The following ST6GAL1 variants were observed in gnomAD, a reference collection of about 807,000 sequenced individuals.
The protein encoded by ST6GAL1 is ST6 beta-galactoside alpha-2,6-sialyltransferase 1.
Under a neutral mutation model 38.0 loss-of-function variants are expected in ST6GAL1, and 20 were observed. That is an observed-to-expected ratio of 0.53 (90% CI 0.37 to 0.77). The LOEUF is 0.77. Among genes scored for constraint, ST6GAL1 ranks in the 30% least tolerant of loss-of-function variants. The probability of loss-of-function intolerance (pLI) is 0.00; values close to 1 mark genes in which losing one functional copy is unlikely to be tolerated. For synonymous variants in ST6GAL1, 196 were observed against 188.2 expected (o/e 1.04, Z -0.34); for missense variants, 432 against 496.4 (o/e 0.87, Z 1.23).
At position 186,939,168 on chromosome 3, in the gene ST6GAL1, A is replaced by G. The variant is rs1288491755; in HGVS notation, c.-325+8334A>G. ...GACTTGCTGCAGTCTCTGACCTCCC[A>G]GGCACAAGCGATCCTCCTGCCTCAG... On this transcript the variant is annotated intron_variant, in intron 1 of 7. Transcript: ENST00000169298. Among the ~76,000 whole-genome samples the G allele has an allele frequency of 4.7e-5, 7 of 149,802 alleles. No individual in the cohort carries two copies. The South Asian group carries it at 1.5e-3, about 32-fold the overall frequency.
At chr3:186,945,305 C>G (rs1714317376) in intron 1 of ST6GAL1, among the ~76,000 whole-genome samples, 1 of 143,686 alleles carries the variant, frequency 7.0e-6, no homozygotes, top group East Asian at 2.0e-4. Context: ...GACCCTGTCT[C>G]TATTTAAAAA....
Position 187,005,297 on chromosome 3 carries a change from C to T in ST6GAL1, c.-182-33445C>T, listed in dbSNP as rs572184943. On this transcript the variant is annotated intron_variant, in intron 2 of 7. Transcript: ENST00000169298. ...TTTTTTTTTTTTTTTTTTTTTGAGA[C>T]GGAGTCTTCGCTGTTTCGCCCAGGC... is the stretch of plus-strand genomic sequence containing the variant. 7.1e-5 allele frequency among the ~76,000 whole-genome samples: 8 copies of T among 112,200 alleles called. No individual in the cohort carries two copies. In the East Asian group the frequency reaches 1.4e-3, roughly 20 times the overall value. 73.6% of individuals were successfully genotyped at this position (112,200 alleles called of 152,430 possible). A position where few individuals can be genotyped will look rare whatever the true frequency, so the allele number is the denominator to read the frequency against.
At chr3:187,012,534 A>G (rs1579320845) in intron 2 of ST6GAL1, among the ~76,000 whole-genome samples, 1 of 152,200 alleles carries the variant, frequency 6.6e-6, no homozygotes, top group African/African-American at 2.4e-5. Flanking sequence ...GATTACAGGC[A>G]AGAGCCACCT....
At chr3:187,037,082 C>T (rs1717957033) in intron 2 of ST6GAL1, among the ~76,000 whole-genome samples, 2 of 152,094 alleles carry the variant, frequency 1.3e-5, no homozygotes, top group Admixed American at 1.3e-4. Context: ...TTTATTCACT[C>T]TTATTTCCTA....
At chr3:187,049,213 C>T (rs987639322) in intron 4 of ST6GAL1, among the ~76,000 whole-genome samples, 3 of 152,106 alleles carry the variant, frequency 2.0e-5, no homozygotes, top group East Asian at 1.9e-4. Context: ...TTTTGAACTG[C>T]GTTAATTGGC....
At chr3:186,997,717 A>G (rs557364417) in intron 2 of ST6GAL1, among the ~76,000 whole-genome samples, 58 of 151,706 alleles carry the variant, frequency 3.8e-4, no homozygotes, top group Non-Finnish European at 6.3e-4. Context: ...CAACGGAATC[A>G]TTGCGCTCCA....
chr3:187,036,975 T>C (rs947029034), intron 2 of ST6GAL1, among the ~76,000 whole-genome samples: 1 of 152,264 alleles, frequency 6.6e-6, no homozygotes, highest in African/African-American at 2.4e-5. Flanking sequence ...TCATTAATCC[T>C]CTTTCATTTG....
intron 1 of ST6GAL1, among the ~76,000 whole-genome samples, chr3:186,942,125 CTA>C (rs1039216457): frequency 4.6e-5 from 7 of 152,062 alleles, no homozygotes; most frequent in Non-Finnish European, 1.5e-5. Flanking sequence ...GAGTCTGTGA[CTA>C]TGGGGCAAGA....
chr3:186,982,364 T>C (rs544959704), intron 2 of ST6GAL1, among the ~76,000 whole-genome samples: 1 of 152,346 alleles, frequency 6.6e-6, no homozygotes, highest in South Asian at 2.1e-4. Context: ...CATTTCTTAG[T>C]AAGATAGATT....
chr3:187,040,972 A>G (rs189792624), intron 3 of ST6GAL1, among the ~76,000 whole-genome samples: 75 of 152,290 alleles, frequency 4.9e-4, no homozygotes, highest in African/African-American at 1.7e-3. Context: ...ATTCCCAGGG[A>G]AGAGCCTGGA....
In ST6GAL1 at chr3:187,011,241, C is replaced by T. The variant is rs944157230; in HGVS notation, c.-182-27501C>T. On this transcript the variant is annotated intron_variant, in intron 2 of 7. Transcript: ENST00000169298. ...CTCGAACTACTGACCTCAAGTGATC[C>T]GCCCACTTCGGCCTCCCAAAGTGCT... is the stretch of plus-strand genomic sequence containing the variant. Among the ~76,000 whole-genome samples, 42 of 152,304 alleles carry T rather than the reference C, an allele frequency of 2.8e-4. 1 individual carries two copies. Among genetic ancestry groups the T allele is most frequent in the South Asian group, 6.2e-4 (3 of 4,826 alleles).
At chr3:187,047,097 C>G (rs926287057) in intron 4 of ST6GAL1, among the ~76,000 whole-genome samples, 3 of 152,122 alleles carry the variant, frequency 2.0e-5, no homozygotes, top group Middle Eastern at 3.2e-3. Flanking sequence ...AGGTGCCTGC[C>G]ACCACGCCTG....
At chr3:187,053,788 T>C (rs1051663532) in intron 5 of ST6GAL1, among the ~76,000 whole-genome samples, 1 of 152,236 alleles carries the variant, frequency 6.6e-6, no homozygotes, top group African/African-American at 2.4e-5. Flanking sequence ...GCAGGCTCTT[T>C]TTTGGTTGCA....
chr3:186,958,248 A>G (rs937534427), intron 1 of ST6GAL1, among the ~76,000 whole-genome samples: 4 of 152,198 alleles, frequency 2.6e-5, no homozygotes, highest in Non-Finnish European at 5.9e-5. Context: ...AACACCACAC[A>G]TGGCTCAGCT....
chr3:187,002,645 G>A (rs903917879), intron 2 of ST6GAL1, among the ~76,000 whole-genome samples: 7 of 152,132 alleles, frequency 4.6e-5, no homozygotes, highest in Middle Eastern at 3.2e-3. Context: ...CTTAGGATTT[G>A]GGGTGAGGAA....
At chr3:187,001,275 C>T (rs904916262) in intron 2 of ST6GAL1, among the ~76,000 whole-genome samples, 1 of 152,226 alleles carries the variant, frequency 6.6e-6, no homozygotes, top group African/African-American at 2.4e-5. Flanking sequence ...GCACATAGAT[C>T]TGTCTCAGGC....
intron 1 of ST6GAL1, among the ~76,000 whole-genome samples, chr3:186,938,506 T>C (rs143750685): frequency 1.1e-4 from 16 of 152,326 alleles, no homozygotes; most frequent in African/African-American, 4.8e-5. Flanking sequence ...CTGTTATTGT[T>C]ATAACTGAGG....
At chr3:186,978,200 G>A (rs892945333) in intron 2 of ST6GAL1, among the ~76,000 whole-genome samples, 1 of 152,164 alleles carries the variant, frequency 6.6e-6, no homozygotes, top group African/African-American at 2.4e-5. Flanking sequence ...GACAGAGCGA[G>A]ACTCCGTGTC....
At chr3:187,049,479 C>A (rs1579359175) in intron 4 of ST6GAL1, among the ~76,000 whole-genome samples, 1 of 152,158 alleles carries the variant, frequency 6.6e-6, no homozygotes, top group Non-Finnish European at 1.5e-5. Context: ...GATATTGACT[C>A]CCTCAGGCTC....
Sources: allele counts gnomAD v4.1 joint callset (sites outside exome capture counted in the v4.1 genomes callset), GRCh38; gene constraint gnomAD v4.1.1; transcripts MANE v1.5; gene names NCBI Gene and HGNC (gene_info 2026-07-23, HGNC 2026-07-21).